Variants in ADCY2 observed in about 807,000 individuals in gnomAD.
ADCY2 encodes adenylate cyclase 2, also known as adenylate cyclase type 2.
In ADCY2, 31 loss-of-function variants were observed where a neutral mutation model predicts 125.2. The observed-to-expected ratio is 0.25, with a 90% confidence interval of 0.19 to 0.33. The LOEUF is 0.33. Among genes scored for constraint, ADCY2 ranks in the 10% least tolerant of loss-of-function variants. The pLI, the probability that ADCY2 is intolerant of heterozygous loss-of-function variation, is 1.00. For missense variants in ADCY2, 904 were observed against 1,418.2 expected (o/e 0.64, Z 5.82); for synonymous variants, 512 against 548.4 (o/e 0.93, Z 0.93).
intron 11 of ADCY2, among the ~76,000 whole-genome samples, chr5:7,716,106 C>T (rs1741584159): frequency 1.3e-5 from 2 of 152,176 alleles, no homozygotes; most frequent in African/African-American, 2.4e-5. Flanking sequence ...CCTTGGAGAG[C>T]TCTTACTATT....
At chr5:7,426,272 G>A (rs990820050) in intron 2 of ADCY2, among the ~76,000 whole-genome samples, 1 of 152,148 alleles carries the variant, frequency 6.6e-6, no homozygotes, top group African/African-American at 2.4e-5. Flanking sequence ...GAACTATTTG[G>A]CCTTTGTCTT....
At chr5:7,727,137 A>G in intron 13 of ADCY2, 27 bp from the exon 14 acceptor site, 1 of 1,556,964 alleles carries the variant, frequency 6.4e-7, no homozygotes, top group Non-Finnish European at 8.8e-7. Flanking sequence ...GAGAACTGTC[A>G]CTCACAGGTT....
At chr5:7,476,734 TG>T (rs1474464502) in intron 2 of ADCY2, among the ~76,000 whole-genome samples, 2 of 152,212 alleles carry the variant, frequency 1.3e-5, no homozygotes, top group Non-Finnish European at 2.9e-5. Flanking sequence ...AGCAAATGGA[TG>T]ATCTCCAGAA....
intron 18 of ADCY2, among the ~76,000 whole-genome samples, chr5:7,773,993 G>A (rs1245637445): frequency 6.6e-6 from 1 of 152,176 alleles, no homozygotes; most frequent in Non-Finnish European, 1.5e-5. Flanking sequence ...TTCTAGGAGT[G>A]CTTGGCACTG....
chr5:7,668,659 G>C (rs1275509340), intron 4 of ADCY2, among the ~76,000 whole-genome samples: 2 of 152,298 alleles, frequency 1.3e-5, no homozygotes, highest in African/African-American at 2.4e-5. Context: ...GATATGAACA[G>C]AAAGGGTGTG....
At chr5:7,499,012 G>T (rs902179222) in intron 2 of ADCY2, among the ~76,000 whole-genome samples, 5 of 152,048 alleles carry the variant, frequency 3.3e-5, no homozygotes, top group African/African-American at 7.2e-5. Flanking sequence ...AGAGTGTTTT[G>T]TTGTTGTTGT....
chr5:7,518,310 C>T (rs569622679), intron 2 of ADCY2, among the ~76,000 whole-genome samples: 1 of 152,200 alleles, frequency 6.6e-6, no homozygotes, highest in East Asian at 1.9e-4. Context: ...GGGAGGTGCC[C>T]CAGCCTGCCT....
chr5:7,441,500 G>A (rs1049364425), intron 2 of ADCY2, among the ~76,000 whole-genome samples: 4 of 151,628 alleles, frequency 2.6e-5, no homozygotes, highest in African/African-American at 4.8e-5. Flanking sequence ...GGATGATAGC[G>A]TGCTGGTAAA....
intron 18 of ADCY2, 61 bp downstream of exon 18, chr5:7,773,162 G>C: frequency 6.6e-7 from 1 of 1,526,472 alleles, no homozygotes; most frequent in Non-Finnish European, 8.9e-7. Flanking sequence ...GATAGCATGA[G>C]TGTGTGTTGA....
chr5:7,556,171 A>G (rs1735500583), intron 3 of ADCY2, among the ~76,000 whole-genome samples: 1 of 152,182 alleles, frequency 6.6e-6, no homozygotes, highest in Admixed American at 6.5e-5. Context: ...TCAATATTCT[A>G]AATAATTCTG....
chr5:7,709,715 C>G lies in ADCY2; in HGVS notation c.1578+328C>G, dbSNP rs147109791. Among the ~76,000 whole-genome samples, 5 of 152,228 alleles carry G rather than the reference C, an allele frequency of 3.3e-5. No individual in the cohort carries two copies. The highest frequency in any genetic ancestry group is 3.4e-3 in the Middle Eastern group (1 of 294). ...AAACTTCTATCATGAAGTAGAAAGC[C>G]TTGAGGTTCTTAATAAAAAGACAAA... On this transcript the variant is annotated intron_variant, in intron 10 of 24. Coordinates refer to ENST00000338316, the MANE Select transcript of ADCY2 (RefSeq NM_020546.3). The surrounding 1 kb of genome is among the most constrained non-coding windows in gnomAD (Gnocchi z 4.4).
intron 4 of ADCY2, chr5:7,654,106 G>C (rs971317106): frequency 4.4e-6 from 2 of 456,082 alleles, no homozygotes; most frequent in East Asian, 1.4e-4. Context: ...CAGTCACCAC[G>C]GGACTCCTGA....
At chr5:7,697,102 C>T (rs942781523) in intron 6 of ADCY2, among the ~76,000 whole-genome samples, 2 of 151,920 alleles carry the variant, frequency 1.3e-5, no homozygotes, top group African/African-American at 2.4e-5. Context: ...GAACAAATTT[C>T]CCCTTCTTAG....
chr5:7,702,738 T>C (rs1741130939), intron 7 of ADCY2, among the ~76,000 whole-genome samples: 1 of 152,218 alleles, frequency 6.6e-6, no homozygotes, highest in Non-Finnish European at 1.5e-5. Context: ...TTTGGGTACA[T>C]ACCCAGTAAT....
At chr5:7,507,348 G>A (rs1743867187) in intron 2 of ADCY2, among the ~76,000 whole-genome samples, 1 of 136,646 alleles carries the variant, frequency 7.3e-6, no homozygotes, top group Non-Finnish European at 1.6e-5. Flanking sequence ...GGCTGAGGCA[G>A]GAGAATGGCG....
intron 4 of ADCY2, among the ~76,000 whole-genome samples, chr5:7,683,297 C>T (rs768934206): frequency 5.3e-5 from 8 of 152,232 alleles, no homozygotes; most frequent in African/African-American, 7.2e-5. Flanking sequence ...CCTCTCCCCA[C>T]GTCAGAGCAG....
intron 3 of ADCY2, among the ~76,000 whole-genome samples, chr5:7,599,493 A>T (rs1737124139): frequency 6.6e-6 from 1 of 152,128 alleles, no homozygotes; most frequent in Admixed American, 6.6e-5. Context: ...GGGAAGGAAG[A>T]TGGGGAATTC....
intron 12 of ADCY2, among the ~76,000 whole-genome samples, 176 bp downstream of exon 12, chr5:7,717,413 A>T (rs565819365): frequency 4.6e-5 from 7 of 152,294 alleles, no homozygotes; most frequent in African/African-American, 1.7e-4. Context: ...TCATCTTTTT[A>T]AAAAATATTT....
chr5:7,465,277 T>C (rs1742072927), intron 2 of ADCY2, among the ~76,000 whole-genome samples: 2 of 152,208 alleles, frequency 1.3e-5, no homozygotes, highest in Admixed American at 1.3e-4. Flanking sequence ...TGGAGGTCTG[T>C]AGTTACCTGG....
Sources: allele counts gnomAD v4.1 joint callset (sites outside exome capture counted in the v4.1 genomes callset), GRCh38; gene constraint gnomAD v4.1.1; non-coding constraint Gnocchi (gnomAD v3.1); transcripts MANE v1.5; gene names NCBI Gene and HGNC (gene_info 2026-07-23, HGNC 2026-07-21).